RBMS3: variants seen among roughly 807,000 people sequenced by gnomAD.
RBMS3 encodes RNA-binding motif, single-stranded-interacting protein 3.
A neutral mutation model predicts 66.8 loss-of-function variants in RBMS3; 27 were observed. That is an observed-to-expected ratio of 0.40 (90% confidence interval 0.30 to 0.56). RBMS3 has a LOEUF of 0.56. Among genes scored for constraint, RBMS3 ranks in the 20% least tolerant of loss-of-function variants. RBMS3 has a pLI of 0.40. For synonymous variants in RBMS3, 188 were observed against 183.0 expected (o/e 1.03, Z -0.22); for missense variants, 513 against 549.5 (o/e 0.93, Z 0.66).
chr3:29,395,623 C>T (rs2039512257), intron 1 of RBMS3, among the ~76,000 whole-genome samples: 2 of 152,080 alleles, frequency 1.3e-5, no homozygotes. Flanking sequence ...CTTTCAAAAG[C>T]AATAAGCAAG....
intron 14 of RBMS3, chr3:29,991,612 A>T (rs1698879243): frequency 6.3e-6 from 1 of 158,370 alleles, no homozygotes; most frequent in Non-Finnish European, 1.4e-5. Context: ...CTAATTTTCT[A>T]CTGTCTCATT....
intron 4 of RBMS3, among the ~76,000 whole-genome samples, chr3:29,689,676 T>G (rs960928955): frequency 2.0e-5 from 3 of 152,012 alleles, no homozygotes; most frequent in African/African-American, 7.2e-5. Context: ...GGAAGCACTA[T>G]GCAAATTATT....
chr3:29,805,914 A>G (rs1390301246), intron 6 of RBMS3, among the ~76,000 whole-genome samples: 1 of 151,962 alleles, frequency 6.6e-6, no homozygotes, highest in African/African-American at 2.4e-5. Flanking sequence ...CTCACCACGC[A>G]CTCACTGACT....
At chr3:29,727,750 CT>C (rs2149330899) in intron 4 of RBMS3, among the ~76,000 whole-genome samples, 1 of 152,284 alleles carries the variant, frequency 6.6e-6, no homozygotes, top group South Asian at 2.1e-4. Flanking sequence ...TGCTTTTACA[CT>C]GTTGGTGGGA....
At chr3:29,631,497 A>G (rs995331478) in intron 4 of RBMS3, among the ~76,000 whole-genome samples, 1 of 151,560 alleles carries the variant, frequency 6.6e-6, no homozygotes, top group African/African-American at 2.4e-5. Flanking sequence ...ATTAACCTTC[A>G]TATAAATATA....
chr3:29,951,571 C>G (rs980432009), intron 12 of RBMS3, among the ~76,000 whole-genome samples: 1 of 151,528 alleles, frequency 6.6e-6, no homozygotes, highest in African/African-American at 2.4e-5. Context: ...GACTCATGAT[C>G]GATATTAAAT....
chr3:29,648,765 G>T (rs1172588214), intron 4 of RBMS3, among the ~76,000 whole-genome samples: 1 of 151,738 alleles, frequency 6.6e-6, no homozygotes, highest in African/African-American at 2.4e-5. Flanking sequence ...TTGTAAAAAA[G>T]CTTACCCCCG....
At chr3:29,522,632 A>G (rs1160647203) in intron 3 of RBMS3, among the ~76,000 whole-genome samples, 1 of 152,162 alleles carries the variant, frequency 6.6e-6, no homozygotes, top group African/African-American at 2.4e-5. Flanking sequence ...AGCTAGAACC[A>G]TGACAGGGCT....
At chr3:29,745,544 T>G (rs1185926549) in intron 5 of RBMS3, among the ~76,000 whole-genome samples, 2 of 151,340 alleles carry the variant, frequency 1.3e-5, no homozygotes, top group South Asian at 4.2e-4. Context: ...ATTGAGAGGG[T>G]GTTATGAGAG....
intron 3 of RBMS3, among the ~76,000 whole-genome samples, chr3:29,509,561 T>G (rs2044319278): frequency 6.6e-6 from 1 of 152,228 alleles, no homozygotes; most frequent in African/African-American, 2.4e-5. Flanking sequence ...GGGTATTTAA[T>G]GTCTCACATG....
intron 4 of RBMS3, among the ~76,000 whole-genome samples, chr3:29,647,855 C>A (rs1427566727): frequency 6.6e-6 from 1 of 152,044 alleles, no homozygotes; most frequent in Non-Finnish European, 1.5e-5. Context: ...ATCCTCAAAT[C>A]TTTTGTGAAT....
intron 2 of RBMS3, among the ~76,000 whole-genome samples, chr3:29,471,609 A>G (rs1451545760): frequency 6.6e-6 from 1 of 152,074 alleles, no homozygotes; most frequent in Non-Finnish European, 1.5e-5. Flanking sequence ...ACCTGGTAAT[A>G]GAATCAGGCT....
At chr3:29,301,439 T>G (rs2033663514) in intron 1 of RBMS3, among the ~76,000 whole-genome samples, 1 of 152,020 alleles carries the variant, frequency 6.6e-6, no homozygotes, top group African/African-American at 2.4e-5. Flanking sequence ...GAAACTTGTT[T>G]AGCAGAAATT....
intron 1 of RBMS3, among the ~76,000 whole-genome samples, chr3:29,348,402 T>C (rs545918662): frequency 6.6e-6 from 1 of 152,272 alleles, no homozygotes; most frequent in African/African-American, 2.4e-5. Flanking sequence ...AGAAATGCTA[T>C]AAAATGCTAC....
chr3:29,296,291 A>C (rs533279468), intron 1 of RBMS3, among the ~76,000 whole-genome samples: 1 of 151,938 alleles, frequency 6.6e-6, no homozygotes, highest in East Asian at 2.0e-4. Context: ...AAGCCCACTG[A>C]AATATTTTTG....
chr3:29,650,081 A>G (rs992397648), intron 4 of RBMS3, among the ~76,000 whole-genome samples: 1 of 152,188 alleles, frequency 6.6e-6, no homozygotes, highest in East Asian at 1.9e-4. Flanking sequence ...AGAGTGGTTT[A>G]CATTGTGTTT....
intron 4 of RBMS3, among the ~76,000 whole-genome samples, chr3:29,612,369 A>G (rs763231504): frequency 2.6e-5 from 4 of 152,040 alleles, no homozygotes; most frequent in African/African-American, 9.7e-5. Flanking sequence ...ACAGAATCTT[A>G]GTTTATAGAT....
intron 1 of RBMS3, among the ~76,000 whole-genome samples, chr3:29,355,106 T>A (rs1438994839): frequency 6.6e-6 from 1 of 152,106 alleles, no homozygotes; most frequent in Non-Finnish European, 1.5e-5. Flanking sequence ...ATCTCATTCA[T>A]CCTGCTGTAA....
At chr3:29,407,130 A>C (rs968853587) in intron 1 of RBMS3, among the ~76,000 whole-genome samples, 3 of 152,214 alleles carry the variant, frequency 2.0e-5, no homozygotes, top group African/African-American at 7.2e-5. Flanking sequence ...GATAAACTTA[A>C]AAACAAGAAC....
Sources: allele counts gnomAD v4.1 joint callset (sites outside exome capture counted in the v4.1 genomes callset), GRCh38; gene constraint gnomAD v4.1.1; transcripts MANE v1.5; gene names NCBI Gene and HGNC (gene_info 2026-07-23, HGNC 2026-07-21).